Variants in HDAC9 observed in about 807,000 individuals in gnomAD.
The protein encoded by HDAC9 is MEF-2 interacting transcription repressor (MITR) protein.
In HDAC9, 41 loss-of-function variants were observed where a neutral mutation model predicts 139.4. The observed-to-expected ratio is 0.29, with a 90% CI of 0.23 to 0.38. The LOEUF (loss-of-function observed/expected upper bound fraction) is 0.38, where lower values mean the gene tolerates loss of function less well. HDAC9 is among the 10% of genes least tolerant of loss of function. The pLI is 1.00. For synonymous variants in HDAC9, 517 were observed against 476.2 expected (o/e 1.09, Z -1.12); for missense variants, 1,147 against 1,297.0 (o/e 0.88, Z 1.78).
intron 17 of HDAC9, among the ~76,000 whole-genome samples, chr7:18,801,468 T>A (rs535336364): frequency 2.7e-4 from 41 of 152,114 alleles, no homozygotes; most frequent in Non-Finnish European, 4.0e-4. Context: ...TTATCATTGT[T>A]ATGCATTTCC....
chr7:18,175,393 T>C (rs1788805104), intron 2 of HDAC9, among the ~76,000 whole-genome samples: 1 of 152,174 alleles, frequency 6.6e-6, no homozygotes, highest in South Asian at 2.1e-4. Context: ...GAAAGGGAAT[T>C]CCCCAACTCC....
At chr7:18,353,457 A>G (rs1783011153) in intron 1 of HDAC9, among the ~76,000 whole-genome samples, 1 of 152,182 alleles carries the variant, frequency 6.6e-6, no homozygotes, top group Non-Finnish European at 1.5e-5. Context: ...ACCACAAAGA[A>G]TTAAAGAATG....
intron 13 of HDAC9, among the ~76,000 whole-genome samples, chr7:18,739,870 C>G (rs999650607): frequency 6.6e-6 from 1 of 152,218 alleles, no homozygotes; most frequent in Non-Finnish European, 1.5e-5. Context: ...GCCCTGCCCA[C>G]AGAGGTGGAG....
Position 18,352,951 on chromosome 7 carries a change from C to G in HDAC9, c.-42+62436C>G, listed in dbSNP as rs1057416871. On this transcript the variant is annotated intron_variant, in intron 1 of 3. Coordinates refer to the HDAC9 transcript ENST00000413509. ...GCGGCCAGCAAAATATCTTCCAGTA[C>G]CTTAACAAATCAGCAAAATATTTTG... Among the ~76,000 whole-genome samples, 12 of 152,024 alleles carry G rather than the reference C, an allele frequency of 7.9e-5. No individual in the cohort carries two copies. In the South Asian group the frequency reaches 2.5e-3, roughly 32 times the overall value.
At chr7:18,778,226 A>G (rs934339653) in intron 16 of HDAC9, among the ~76,000 whole-genome samples, 10 of 152,190 alleles carry the variant, frequency 6.6e-5, no homozygotes, top group Admixed American at 2.0e-4. Context: ...TGCCAAGAGC[A>G]TTCTCTTTTT....
chr7:18,697,694 C>T (rs1348339979), intron 12 of HDAC9, among the ~76,000 whole-genome samples: 1 of 152,114 alleles, frequency 6.6e-6, no homozygotes, highest in Non-Finnish European at 1.5e-5. Context: ...TTTGCTCAGT[C>T]TTCATGGGAC....
chr7:18,931,563 A>G (rs1212541342), intron 22 of HDAC9, among the ~76,000 whole-genome samples: 1 of 152,204 alleles, frequency 6.6e-6, no homozygotes, highest in Non-Finnish European at 1.5e-5. Context: ...GATATTGAGG[A>G]GATTCACTCA....
intron 1 of HDAC9, among the ~76,000 whole-genome samples, chr7:18,157,414 A>G (rs1407173642): frequency 2.0e-5 from 3 of 152,196 alleles, no homozygotes; most frequent in Non-Finnish European, 4.4e-5. Flanking sequence ...TTGAATACCA[A>G]CTAAGGAGCT....
At chr7:18,402,624 CAAGTGAGAGGCATGAT>C (rs1231344154) in intron 1 of HDAC9, among the ~76,000 whole-genome samples, 2 of 152,208 alleles carry the variant, frequency 1.3e-5, no homozygotes, top group East Asian at 3.9e-4. Flanking sequence ...AGGTTTCAGG[CAAGTGAGAGGCATGAT>C]AAGATTTCTG....
chr7:18,209,157 C>T (rs961955477), intron 2 of HDAC9, among the ~76,000 whole-genome samples: 2 of 152,196 alleles, frequency 1.3e-5, no homozygotes, highest in Non-Finnish European at 2.9e-5. Flanking sequence ...AGTGACTTTT[C>T]TGGTTTTGTG....
At chr7:18,600,280 C>G (rs1833605047) in intron 6 of HDAC9, among the ~76,000 whole-genome samples, 1 of 152,068 alleles carries the variant, frequency 6.6e-6, no homozygotes, top group Admixed American at 6.5e-5. Flanking sequence ...TTGTCTTTCA[C>G]AGAACAGAAG....
At chr7:18,611,585 T>A (rs376269031) in intron 6 of HDAC9, among the ~76,000 whole-genome samples, 31 of 152,254 alleles carry the variant, frequency 2.0e-4, no homozygotes, top group East Asian at 7.7e-4. Flanking sequence ...AATGCCAGGT[T>A]TGAAGACAGC....
intron 2 of HDAC9, among the ~76,000 whole-genome samples, chr7:18,581,342 G>A (rs1177574708): frequency 2.0e-5 from 3 of 152,090 alleles, no homozygotes; most frequent in South Asian, 2.1e-4. Flanking sequence ...TGTAAGTTGA[G>A]GGTGATTTTT....
intron 25 of HDAC9, among the ~76,000 whole-genome samples, chr7:18,990,730 G>T (rs1189265579): frequency 6.6e-6 from 1 of 152,270 alleles, no homozygotes; most frequent in Non-Finnish European, 1.5e-5. Flanking sequence ...TCCGAGCCAT[G>T]TGCGGGATAT....
At chr7:18,155,966 C>A (rs1787167920) in intron 1 of HDAC9, among the ~76,000 whole-genome samples, 1 of 152,166 alleles carries the variant, frequency 6.6e-6, no homozygotes, top group Non-Finnish European at 1.5e-5. Flanking sequence ...ATCAGCTTCC[C>A]AGTCCCCAGA....
chr7:18,942,272 G>C (rs889576183), intron 23 of HDAC9, among the ~76,000 whole-genome samples: 2 of 152,044 alleles, frequency 1.3e-5, no homozygotes, highest in African/African-American at 4.8e-5. Flanking sequence ...AGACTAATAT[G>C]AGCTAATGTC....
chr7:18,578,360 C>A (rs572503205), intron 2 of HDAC9, among the ~76,000 whole-genome samples: 1 of 152,318 alleles, frequency 6.6e-6, no homozygotes, highest in Non-Finnish European at 1.5e-5. Flanking sequence ...AGGCGATCAG[C>A]TTTCCCCAGG....
intron 23 of HDAC9, among the ~76,000 whole-genome samples, chr7:18,943,807 A>G (rs907210774): frequency 2.6e-5 from 4 of 152,034 alleles, no homozygotes; most frequent in Non-Finnish European, 5.9e-5. Flanking sequence ...GACTTATGTC[A>G]CTGCTATTGA....
intron 1 of HDAC9, among the ~76,000 whole-genome samples, chr7:18,475,038 G>A (rs1336957858): frequency 1.3e-5 from 2 of 152,202 alleles, no homozygotes; most frequent in East Asian, 3.8e-4. Context: ...TATAGGCTGT[G>A]GATTTACCCT....
Sources: gnomAD v4.1 joint callset for allele counts (sites outside exome capture counted in the v4.1 genomes callset) on GRCh38, gnomAD v4.1.1 for gene constraint, MANE v1.5 for transcripts, NCBI Gene and HGNC (gene_info 2026-07-23, HGNC 2026-07-21) for gene names.